The following PRRC2B variants were observed in gnomAD, a reference collection of about 807,000 sequenced individuals.
PRRC2B encodes protein PRRC2B.
A neutral mutation model predicts 242.3 loss-of-function variants in PRRC2B; 68 were observed. The observed-to-expected ratio is 0.28, with a 90% confidence interval of 0.23 to 0.34. PRRC2B has a LOEUF of 0.34. PRRC2B is among the 10% of genes least tolerant of loss of function. The probability of loss-of-function intolerance (pLI) is 1.00; values close to 1 mark genes in which losing one functional copy is unlikely to be tolerated. For missense variants in PRRC2B, 2,835 were observed against 2,954.8 expected (o/e 0.96, Z 0.94); for synonymous variants, 1,228 against 1,173.6 (o/e 1.05, Z -0.95).
At chr9:131,427,883 A>C (rs988853822) in intron 1 of PRRC2B, among the ~76,000 whole-genome samples, 1 of 152,170 alleles carries the variant, frequency 6.6e-6, no homozygotes, top group African/African-American at 2.4e-5. Context: ...TTCCAGTGAG[A>C]AGTGATGATC....
intron 1 of PRRC2B, among the ~76,000 whole-genome samples, chr9:131,420,496 T>TCTTTCTTTTC (rs59621148): frequency 2.6e-5 from 2 of 75,898 alleles, no homozygotes; most frequent in Non-Finnish European, 5.4e-5. Context: ...TTTCTTTCTT[T>TCTTTCTTTTC]TTTTTTTTTT....
intron 13 of PRRC2B, among the ~76,000 whole-genome samples, chr9:131,468,275 T>C (rs2131430714): frequency 6.6e-6 from 1 of 152,304 alleles, no homozygotes; most frequent in East Asian, 1.9e-4. Flanking sequence ...CTGATGTTGC[T>C]GCTGAACTAG....
upstream of PRRC2B, among the ~76,000 whole-genome samples, chr9:131,393,780 G>C (rs1836950277): frequency 6.7e-6 from 1 of 149,660 alleles, no homozygotes; most frequent in Non-Finnish European, 1.5e-5. Flanking sequence ...CTTGGCTCCT[G>C]GCCCCTCCTC....
rs754870630 is a variant in PRRC2B at position 131,477,816 on chromosome 9, G to T, written c.4479G>T (p.Leu1493=). The part of the protein sequence containing the change: ...SSGSGHSPYA[L]ERAAHASADL... The stretch of plus-strand genomic sequence containing the variant: ...GGAGTGGCCACTCCCCCTATGCCCT[G>T]GAGCGGGCAGCCCATGCCAGTGCTG... The change falls in exon 17 of 32, where the codon CTG becomes CTT. Residue 1493 remains leucine (L), a synonymous_variant. Coordinates refer to ENST00000683519, the MANE Select transcript of PRRC2B (RefSeq NM_013318.4). 6.8e-5 allele frequency: 109 copies of T among 1,612,626 alleles called. No homozygotes were observed. The highest frequency in any genetic ancestry group is 8.5e-5 in the Non-Finnish European group (100 of 1,179,210).
At chr9:131,467,028 C>T (rs540444283) in intron 12 of PRRC2B, among the ~76,000 whole-genome samples, 1 of 152,154 alleles carries the variant, frequency 6.6e-6, no homozygotes, top group South Asian at 2.1e-4. Flanking sequence ...GTCTGTATCT[C>T]CTGACCTCGT....
In PRRC2B at chr9:131,486,292, C is replaced by T. The variant is rs555459566; in HGVS notation, c.5856+110C>T. 3.5e-4 allele frequency: 311 copies of T among 893,962 alleles called. 2 individuals carry two copies. In the African/African-American group the frequency reaches 4.2e-3, roughly 12 times the overall value. The allele number at this position is 893,962 out of a possible 1,614,324, so 55.4% of individuals were successfully genotyped here. On this transcript the variant is annotated intron_variant, in intron 26 of 31. Transcript: ENST00000683519. Reference sequence around the variant, plus strand: ...CATTGTCTGTCTGGTTTTCCATCCCCCTCACATGTGGTGACCAGCACCTGG... The same window carrying T: ...CATTGTCTGTCTGGTTTTCCATCCCTCTCACATGTGGTGACCAGCACCTGG...
rs1208562548 is a variant in PRRC2B, at chr9:131,497,837, C to G, written c.*1963C>G. The G allele has an allele frequency of 6.6e-6, 1 of 152,396 alleles. No individual in the cohort carries two copies. The highest frequency in any genetic ancestry group is 1.5e-5 in the Non-Finnish European group (1 of 68,172). 9.4% of individuals were successfully genotyped at this position (152,396 alleles called of 1,614,324 possible). A position where few individuals can be genotyped will look rare whatever the true frequency, so the allele number is the denominator to read the frequency against. On this transcript the variant is annotated 3_prime_UTR_variant, in exon 32 of 32. Transcript: ENST00000683519. ...CCCACCCGACAGTTCCAGGCATTCC[C>G]TACCTGAGCTTCTTGTCTGCTTTTC...
chr9:131,486,264 T>G, intron 26 of PRRC2B, 82 bp downstream of exon 26: 2 of 1,002,136 alleles, frequency 2.0e-6, no homozygotes, highest in African/African-American at 1.6e-5. Flanking sequence ...CTCATCTATT[T>G]CTCATTGTCT....
chr9:131,440,966 TGGCAGAC>T (rs1838550880), intron 5 of PRRC2B, among the ~76,000 whole-genome samples: 1 of 152,082 alleles, frequency 6.6e-6, no homozygotes, highest in Non-Finnish European at 1.5e-5. Flanking sequence ...CCAAGTGTGG[TGGCAGAC>T]ACCTGTAGTC....
In PRRC2B at chr9:131,477,825, A is replaced by G; in HGVS notation, c.4488A>G (p.Ala1496=). 6.2e-7 allele frequency: 1 copy of G among 1,613,450 alleles called. No individual in the cohort carries two copies. Among genetic ancestry groups the G allele is most frequent in the Non-Finnish European group, 8.5e-7 (1 of 1,179,660 alleles). ...SGHSPYALER[A]AHASADLPEA... ...ACTCCCCCTATGCCCTGGAGCGGGC[A>G]GCCCATGCCAGTGCTGACCTTCCCG... Residue 1496 remains alanine (A), a synonymous_variant, in exon 17 of 32, where the codon GCA becomes GCG. Transcript: ENST00000683519.
rs1053436 is a variant in PRRC2B at position 131,499,495 on chromosome 9, T to G, written c.*3621T>G. On this transcript the variant is annotated 3_prime_UTR_variant, in exon 32 of 32. Transcript: ENST00000683519. ...CGTGTTCTGTGATGAATGGGAAACG[T>G]AGGCTTCCAGAAAGCCAGCTCTCTT... 0.058 allele frequency: 8,836 copies of G among 152,246 alleles called. 326 individuals are homozygous for G. The highest frequency in any genetic ancestry group is 0.12 in the Admixed American group (1,773 of 15,284). The allele number at this position is 152,246 out of a possible 1,614,324, so 9.4% of individuals were successfully genotyped here. A position where few individuals can be genotyped will look rare whatever the true frequency, so the allele number is the denominator to read the frequency against.
At chr9:131,420,446 T>TCTTTC (rs1564278446) in intron 1 of PRRC2B, among the ~76,000 whole-genome samples, 8 of 119,562 alleles carry the variant, frequency 6.7e-5, no homozygotes, top group African/African-American at 2.5e-4. Flanking sequence ...TTTCTTTTTC[T>TCTTTC]TTTTCTTTTT....
intron 1 of PRRC2B, among the ~76,000 whole-genome samples, chr9:131,420,479 T>TTCTA (rs1837789562): frequency 4.4e-5 from 1 of 22,546 alleles, no homozygotes; most frequent in Non-Finnish European, 9.9e-5. Flanking sequence ...CTTTCTTTCT[T>TTCTA]TCTTTCTTTC....
intron 1 of PRRC2B, among the ~76,000 whole-genome samples, chr9:131,411,537 A>G (rs993643153): frequency 5.9e-5 from 9 of 151,378 alleles, no homozygotes; most frequent in Non-Finnish European, 1.2e-4. Flanking sequence ...TAGTAGAGAC[A>G]GGGTTTCACT....
intron 4 of PRRC2B, 88 bp from the exon 5 acceptor site, chr9:131,438,901 T>C: frequency 1.0e-6 from 1 of 1,000,720 alleles, no homozygotes; most frequent in South Asian, 1.4e-5. Context: ...TCTAAGGTGC[T>C]GGCCTCTCAG....
At position 131,436,713 on chromosome 9, in the gene PRRC2B, C is replaced by G. The variant is rs187375834; in HGVS notation, c.387C>G (p.Ile129Met). Residue 129 changes from isoleucine to methionine, a missense_variant, in exon 4 of 32, where the codon ATC (isoleucine) becomes ATG (methionine). Ile to Met is a conservative substitution (Grantham distance 10). This residue lies in a region of PRRC2B where 626 missense variants were observed against 685.5 expected (regional missense o/e 0.91). Transcript: ENST00000683519. ...VSNLQKPTQS[I>M]SQENTNSVPG... The stretch of plus-strand genomic sequence containing the variant: ...ATTTGCAGAAACCGACACAGTCAAT[C>G]AGTCAGGAGGTAGGTGCTGGGACCC... 6 of 1,613,740 alleles carry G rather than the reference C, an allele frequency of 3.7e-6. No individual in the cohort carries two copies. Among genetic ancestry groups the G allele is most frequent in the African/African-American group, 1.3e-5 (1 of 75,052 alleles).
intron 19 of PRRC2B, 111 bp from the exon 20 acceptor site, chr9:131,481,615 C>A: frequency 3.5e-6 from 3 of 845,106 alleles, no homozygotes; most frequent in South Asian, 1.5e-5. Flanking sequence ...GCAGGGGAGG[C>A]AGGGGAGTTG....
upstream of PRRC2B, among the ~76,000 whole-genome samples, chr9:131,391,436 A>G (rs1313983731): frequency 2.6e-5 from 4 of 152,102 alleles, no homozygotes; most frequent in Non-Finnish European, 5.9e-5. Context: ...CCACCTGCCC[A>G]ACCAAATAAT....
At chr9:131,466,452 G>C (rs1028925454) in intron 12 of PRRC2B, among the ~76,000 whole-genome samples, 1 of 152,206 alleles carries the variant, frequency 6.6e-6, no homozygotes. Flanking sequence ...ATGTGCCTAG[G>C]TCACATAGCC....
Sources: allele counts gnomAD v4.1 joint callset (sites outside exome capture counted in the v4.1 genomes callset), GRCh38; gene constraint gnomAD v4.1.1; regional missense constraint gnomAD v4.1.1; transcripts MANE v1.5; gene names NCBI Gene and HGNC (gene_info 2026-07-23, HGNC 2026-07-21).